The following ARID1B variants were observed in gnomAD, a reference collection of about 807,000 sequenced individuals.
ARID1B encodes AT-rich interaction domain 1B.
ARID1B carries 30 observed loss-of-function variants against 212.3 expected under a neutral mutation model. The observed-to-expected ratio is 0.14, with a 90% confidence interval of 0.11 to 0.19. ARID1B has a LOEUF of 0.19. ARID1B is among the 10% of genes least tolerant of loss of function. The pLI, the probability that ARID1B is intolerant of heterozygous loss-of-function variation, is 1.00. For synonymous variants in ARID1B, 1,402 were observed against 1,301.7 expected, an observed-to-expected ratio of 1.08 and a Z score of -1.66; for missense variants, 2,891 against 3,204.0, an observed-to-expected ratio of 0.90 and a Z score of 2.36.
intron 4 of ARID1B, among the ~76,000 whole-genome samples, chr6:156,980,503 A>C (rs1379312960): frequency 1.3e-5 from 2 of 152,070 alleles, no homozygotes; most frequent in Non-Finnish European, 2.9e-5. Context: ...ACAAAACAAA[A>C]CAAAATAAGA....
At chr6:156,896,710 C>T (rs1306080967) in intron 2 of ARID1B, among the ~76,000 whole-genome samples, 1 of 151,946 alleles carries the variant, frequency 6.6e-6, no homozygotes. Context: ...GAAACCCCGT[C>T]TCTACTGAAA....
At chr6:157,180,757 G>A (rs527597660) in intron 11 of ARID1B, among the ~76,000 whole-genome samples, 19 of 152,124 alleles carry the variant, frequency 1.2e-4, no homozygotes, top group Middle Eastern at 3.2e-3. Flanking sequence ...GGGAGTTTGG[G>A]CCTTTTATTT....
At chr6:156,783,511 A>T (rs1004891420) in intron 1 of ARID1B, among the ~76,000 whole-genome samples, 1 of 152,138 alleles carries the variant, frequency 6.6e-6, no homozygotes, top group African/African-American at 2.4e-5. Flanking sequence ...AATAGACTTT[A>T]TTTCTTTATG....
chr6:156,968,834 A>G (rs945750320), intron 4 of ARID1B, among the ~76,000 whole-genome samples: 3 of 152,250 alleles, frequency 2.0e-5, no homozygotes, highest in Non-Finnish European at 2.9e-5. Flanking sequence ...ATCATGTACT[A>G]CAGTGCCTCA....
chr6:157,084,653 C>T lies in ARID1B; in HGVS notation c.2248-9C>T, dbSNP rs369427636. On this transcript the variant is annotated splice_polypyrimidine_tract_variant and intron_variant, in intron 4 of 19. Transcript: ENST00000636930. ...TGTCACTCTATAAATACATCTTTTCCTTTCTTAGGATCTGTCTGGCTCCAT... is the reference window on the plus strand; with the variant it reads ...TGTCACTCTATAAATACATCTTTTCTTTTCTTAGGATCTGTCTGGCTCCAT... 13 of 1,612,822 alleles carry T rather than the reference C, an allele frequency of 8.1e-6. No homozygotes were observed. The African/African-American group carries it at 1.6e-4, about 20-fold the overall frequency.
intron 4 of ARID1B, among the ~76,000 whole-genome samples, chr6:156,948,117 C>T (rs1793297773): frequency 6.6e-6 from 1 of 152,308 alleles, no homozygotes; most frequent in South Asian, 2.1e-4. Flanking sequence ...AATAAAAAAA[C>T]TATTTTGCTA....
intron 5 of ARID1B, among the ~76,000 whole-genome samples, chr6:157,097,687 C>T (rs1489685811): frequency 6.6e-6 from 1 of 152,172 alleles, no homozygotes; most frequent in Non-Finnish European, 1.5e-5. Flanking sequence ...TTAAAAAGGC[C>T]TGTCTCTATC....
chr6:157,195,588 G>T (rs1379554098), intron 15 of ARID1B: 3 of 152,890 alleles, frequency 2.0e-5, no homozygotes, highest in Non-Finnish European at 4.4e-5. Context: ...ACATAATCAT[G>T]GGAGTGATAC....
chr6:157,048,265 A>T (rs183747053), intron 4 of ARID1B, among the ~76,000 whole-genome samples: 3 of 152,354 alleles, frequency 2.0e-5, no homozygotes, highest in Non-Finnish European at 4.4e-5. Flanking sequence ...ATGATTTTTA[A>T]AAATCAGATT....
chr6:157,201,554 A>G lies in ARID1B; in HGVS notation c.5263+66A>G. 2 of 1,459,410 alleles carry G rather than the reference A, an allele frequency of 1.4e-6. No homozygotes were observed. Among genetic ancestry groups the G allele is most frequent in the Non-Finnish European group, 1.8e-6 (2 of 1,099,738 alleles). The allele number at this position is 1,459,410 out of a possible 1,614,324, so 90.4% of individuals were successfully genotyped here. On this transcript the variant is annotated intron_variant, in intron 18 of 19. Coordinates refer to ENST00000636930, the MANE Select transcript of ARID1B (RefSeq NM_001374828.1). This position sits in a 1 kb window ranked among gnomAD's most constrained non-coding sequence, Gnocchi z 5.2. ...TGCAGTGTAGAATTTTAATTTTAGT[A>G]AAGATGCTGTTCCTGCTCATCTTAA...
At position 156,954,052 on chromosome 6, in the gene ARID1B, A is replaced by T. The variant is rs1458597717; in HGVS notation, c.2247+18476A>T. On this transcript the variant is annotated intron_variant, in intron 4 of 19. Transcript: ENST00000636930. ...CACAGGCTTTCCTGTTTTGCTTGTA[A>T]CATTTTATAGGCTTTTTCAAACACG... Among the ~76,000 whole-genome samples, 5 of 152,220 alleles carry T rather than the reference A, an allele frequency of 3.3e-5. No individual in the cohort carries two copies. In the East Asian group the frequency reaches 9.6e-4, roughly 29 times the overall value.
chr6:156,801,300 A>G (rs138681527), intron 1 of ARID1B, among the ~76,000 whole-genome samples: 2,394 of 148,350 alleles, frequency 0.016, 30 homozygotes, highest in Middle Eastern at 0.046. Context: ...TCCCGGTTTC[A>G]AGCAATTCTC....
chr6:156,927,521 C>T (rs1791321866), intron 3 of ARID1B, among the ~76,000 whole-genome samples: 2 of 152,174 alleles, frequency 1.3e-5, no homozygotes, highest in South Asian at 4.1e-4. Flanking sequence ...CCACCCCACC[C>T]CCGCTTCTGG....
chr6:156,967,185 C>T (rs1373018495), intron 4 of ARID1B, among the ~76,000 whole-genome samples: 1 of 152,108 alleles, frequency 6.6e-6, no homozygotes, highest in Admixed American at 6.5e-5. Flanking sequence ...TCATAGTATT[C>T]TTACTGTCTT....
intron 4 of ARID1B, among the ~76,000 whole-genome samples, chr6:157,039,884 TTCCTTCCTTC>T: frequency 8.2e-6 from 1 of 122,050 alleles, no homozygotes; most frequent in African/African-American, 3.5e-5. Flanking sequence ...TTCTTTTCTC[TTCCTTCCTTC>T]CTTCCTTCCT....
At chr6:156,897,267 A>ATTATTC (rs1788549585) in intron 2 of ARID1B, among the ~76,000 whole-genome samples, 1 of 69,808 alleles carries the variant, frequency 1.4e-5, no homozygotes, top group African/African-American at 4.5e-5. Context: ...TCTTCTTCTT[A>ATTATTC]TTATTATTAT....
intron 2 of ARID1B, among the ~76,000 whole-genome samples, chr6:156,875,160 T>A (rs1786444597): frequency 6.6e-6 from 1 of 152,242 alleles, no homozygotes; most frequent in African/African-American, 2.4e-5. Flanking sequence ...TTATTCATTG[T>A]TCCCGCATTC....
At chr6:157,163,684 A>G (rs1249452262) in intron 8 of ARID1B, among the ~76,000 whole-genome samples, 2 of 152,132 alleles carry the variant, frequency 1.3e-5, no homozygotes, top group East Asian at 1.9e-4. Flanking sequence ...CATGTCTCCC[A>G]CTACCCCTCA....
At chr6:156,834,559 GATATAC>G (rs1252523045) in intron 2 of ARID1B, among the ~76,000 whole-genome samples, 1 of 152,168 alleles carries the variant, frequency 6.6e-6, no homozygotes, top group Non-Finnish European at 1.5e-5. Context: ...CATATTTGTA[GATATAC>G]ATATATAAAC....
Sources: gnomAD v4.1 joint callset for allele counts (sites outside exome capture counted in the v4.1 genomes callset) on GRCh38, gnomAD v4.1.1 for gene constraint, Gnocchi (gnomAD v3.1) non-coding constraint, MANE v1.5 for transcripts, NCBI Gene and HGNC (gene_info 2026-07-23, HGNC 2026-07-21) for gene names.